Variants in AQP7 observed in about 807,000 individuals in gnomAD.
AQP7 encodes aquaporin 7.
A neutral mutation model predicts 26.1 loss-of-function variants in AQP7; 22 were observed. That is an observed-to-expected ratio of 0.84 (90% CI 0.60 to 1.20). The LOEUF (loss-of-function observed/expected upper bound fraction) is 1.20, where lower values mean the gene tolerates loss of function less well. Among genes scored for constraint, AQP7 ranks in the 50% most tolerant of loss-of-function variants. The pLI is 0.00. For synonymous variants in AQP7, 167 were observed against 181.7 expected (o/e 0.92, Z 0.65); for missense variants, 412 against 457.5 (o/e 0.90, Z 0.91).
At position 33,384,676 on chromosome 9, in the gene AQP7, A is replaced by C; in HGVS notation, c.*329T>G. 3 of 221,202 alleles carry C rather than the reference A, an allele frequency of 1.4e-5. No individual in the cohort carries two copies. The highest frequency in any genetic ancestry group is 1.8e-5 in the Non-Finnish European group (2 of 113,212). The allele number at this position is 221,202 out of a possible 1,614,324, so 13.7% of individuals were successfully genotyped here. A position where few individuals can be genotyped will look rare whatever the true frequency, so the allele number is the denominator to read the frequency against. ...AAAGTATTTCCAAAGCCGGCCCCCA[A>C]CCAGTCAGCTACGGTCTGTTCCCCA... On this transcript the variant is annotated 3_prime_UTR_variant, in exon 8 of 8. Coordinates refer to ENST00000297988, the MANE Select transcript of AQP7 (RefSeq NM_001170.3).
rs1356688259 is a variant in AQP7, at chr9:33,384,341, G to A, written c.*664C>T. 1 of 151,974 alleles carries A rather than the reference G, an allele frequency of 6.6e-6. No homozygotes were observed. Among genetic ancestry groups the A allele is most frequent in the Non-Finnish European group, 1.5e-5 (1 of 68,016 alleles). The allele number at this position is 151,974 out of a possible 1,614,324, so 9.4% of individuals were successfully genotyped here. A position where few individuals can be genotyped will look rare whatever the true frequency, so the allele number is the denominator to read the frequency against. On this transcript the variant is annotated 3_prime_UTR_variant, in exon 8 of 8. Transcript: ENST00000297988. ...CTTAACAGCCTTCAATCTATAACAA[G>A]CATTCTCAAGGGAATTAAAACTGAT...
intron 2 of AQP7, among the ~76,000 whole-genome samples, chr9:33,398,865 A>G (rs1313927785): frequency 1.3e-5 from 2 of 152,198 alleles, no homozygotes; most frequent in Non-Finnish European, 2.9e-5. Flanking sequence ...AAGCCAGCCT[A>G]CAAAGCAAGA....
At chr9:33,392,501 C>T (rs369649277) in intron 3 of AQP7, among the ~76,000 whole-genome samples, 28 of 152,010 alleles carry the variant, frequency 1.8e-4, no homozygotes, top group East Asian at 5.8e-4. Flanking sequence ...TCACAGAGCC[C>T]GGGATGCATT....
chr9:33,386,652 G>A lies in AQP7; in HGVS notation c.269-111C>T, dbSNP rs1187360169. 26 of 1,406,764 alleles carry A rather than the reference G, an allele frequency of 1.8e-5. No individual in the cohort carries two copies. The Middle Eastern group carries it at 9.8e-4, about 53-fold the overall frequency. 87.1% of individuals were successfully genotyped at this position (1,406,764 alleles called of 1,614,324 possible). A position where few individuals can be genotyped will look rare whatever the true frequency, so the allele number is the denominator to read the frequency against. On this transcript the variant is annotated intron_variant, in intron 4 of 7. Transcript: ENST00000297988. ...GTATGACAGCATGCTCCGTGACAGA[G>A]CTCTCTCCTTGAGCCCTCACAACCA...
At position 33,385,074 on chromosome 9, in the gene AQP7, G is replaced by C. The variant is rs1370354269; in HGVS notation, c.960C>G (p.Ser320Arg). The part of the protein sequence containing the change: ...TISPLTPVSV[S>R]PANRSSVHPA... Reference sequence around the variant, plus strand: ...GGTGGACTGAAGATCTGTTGGCAGGGCTCACAGAGACGGGGGTGAGGGGAG... The same window carrying C: ...GGTGGACTGAAGATCTGTTGGCAGGCCTCACAGAGACGGGGGTGAGGGGAG... Residue 320 changes from serine (S) to arginine (R), a missense_variant, in exon 8 of 8, where the codon AGC becomes AGG. Ser to Arg is a moderately radical substitution (Grantham distance 110). Transcript: ENST00000297988. 6.2e-7 allele frequency: 1 copy of C among 1,611,852 alleles called. No homozygotes were observed. Among genetic ancestry groups the C allele is most frequent in the African/African-American group, 1.3e-5 (1 of 74,844 alleles).
At chr9:33,385,567 C>A (rs1174059982) in intron 7 of AQP7, 82 bp downstream of exon 7, 5 of 1,520,776 alleles carry the variant, frequency 3.3e-6, no homozygotes, top group Non-Finnish European at 4.5e-6. Flanking sequence ...TCCTGTGCTG[C>A]CCCTCACATC....
At position 33,390,093 on chromosome 9, in the gene AQP7, C is replaced by G. The variant is rs117413200; in HGVS notation, c.145-3001G>C. Among the ~76,000 whole-genome samples, 814 of 150,688 alleles carry G rather than the reference C, an allele frequency of 5.4e-3. 17 individuals carry two copies. The highest frequency in any genetic ancestry group is 0.037 in the Admixed American group (560 of 15,138). ...AAAGACACCAGTGTAGACTCCTCTT[C>G]GAGAACTCGCCTGAGGAGCGGGGGA... On this transcript the variant is annotated intron_variant, in intron 3 of 7. Coordinates refer to ENST00000297988, the MANE Select transcript of AQP7 (RefSeq NM_001170.3).
intron 2 of AQP7, among the ~76,000 whole-genome samples, chr9:33,398,981 T>G (rs1438646812): frequency 1.3e-5 from 2 of 150,548 alleles, no homozygotes; most frequent in Non-Finnish European, 3.0e-5. Flanking sequence ...TCCTTTTTTT[T>G]TTTTTTTGAG....
chr9:33,398,239 C>A (rs1008398013), intron 2 of AQP7, among the ~76,000 whole-genome samples: 64 of 151,608 alleles, frequency 4.2e-4, no homozygotes, highest in African/African-American at 1.3e-3. Context: ...ATCCAATGTG[C>A]AGGAATGGGC....
Position 33,383,658 on chromosome 9 carries a change from A to G in AQP7, c.*1347T>C, listed in dbSNP as rs1374891339. Reference sequence around the variant, plus strand: ...CAGGCCCATCTCCACCATTTCCAGCATCCTACACACTGCGGCTCAGGTGTG... The same window carrying G: ...CAGGCCCATCTCCACCATTTCCAGCGTCCTACACACTGCGGCTCAGGTGTG... On this transcript the variant is annotated 3_prime_UTR_variant, in exon 8 of 8. Coordinates refer to ENST00000297988, the MANE Select transcript of AQP7 (RefSeq NM_001170.3). The G allele has an allele frequency of 1.3e-5, 2 of 152,528 alleles. No individual in the cohort carries two copies. The highest frequency in any genetic ancestry group is 2.9e-5 in the Non-Finnish European group (2 of 68,288). 9.4% of individuals were successfully genotyped at this position (152,528 alleles called of 1,614,324 possible).
intron 3 of AQP7, among the ~76,000 whole-genome samples, chr9:33,387,529 TGCACAAAC>T (rs1009910975): frequency 8.7e-4 from 132 of 151,544 alleles, no homozygotes; most frequent in East Asian, 1.8e-3. Context: ...AACCCCTCCC[TGCACAAAC>T]ACACACACAC....
chr9:33,402,322 T>C (rs1826353702), intron 1 of AQP7, 51 bp downstream of exon 1: 1 of 152,462 alleles, frequency 6.6e-6, no homozygotes, highest in African/African-American at 2.4e-5. Context: ...CTTCCAGATC[T>C]GGGCGCTGAG....
At chr9:33,390,470 T>TC (rs1825285264) in intron 3 of AQP7, among the ~76,000 whole-genome samples, 1 of 147,818 alleles carries the variant, frequency 6.8e-6, no homozygotes, top group Non-Finnish European at 1.5e-5. Flanking sequence ...CATTTGCTGA[T>TC]TTAAAAAAAA....
rs1425076356 is a variant in AQP7, at chr9:33,383,861, T to A, written c.*1144A>T. 6.6e-6 allele frequency: 1 copy of A among 151,904 alleles called. No homozygotes were observed. The highest frequency in any genetic ancestry group is 1.5e-5 in the Non-Finnish European group (1 of 68,034). 9.4% of individuals were successfully genotyped at this position (151,904 alleles called of 1,614,324 possible). On this transcript the variant is annotated 3_prime_UTR_variant, in exon 8 of 8. Coordinates refer to ENST00000297988, the MANE Select transcript of AQP7 (RefSeq NM_001170.3). Reference sequence around the variant, plus strand: ...CTGGCCTTGGCCCAGAGGCTGGATGTGAGCTCCCCTACCCCGAGCCCCACA... The same window carrying A: ...CTGGCCTTGGCCCAGAGGCTGGATGAGAGCTCCCCTACCCCGAGCCCCACA...
rs571740374 is a variant in AQP7, at chr9:33,385,961, G to A, written c.526-95C>T. The A allele has an allele frequency of 8.4e-5, 131 of 1,560,172 alleles. 3 individuals are homozygous for A. The South Asian group carries it at 1.3e-3, about 15-fold the overall frequency. On this transcript the variant is annotated intron_variant, in intron 6 of 7. Coordinates refer to ENST00000297988, the MANE Select transcript of AQP7 (RefSeq NM_001170.3). The stretch of plus-strand genomic sequence containing the variant: ...GACCCAAGCCCACCAGCAGAGACAC[G>A]TCTCGGTACAGTCTCCATCCAGAGT...
chr9:33,389,818 C>T (rs1825212172), intron 3 of AQP7, among the ~76,000 whole-genome samples: 1 of 152,000 alleles, frequency 6.6e-6, no homozygotes, highest in African/African-American at 2.4e-5. Context: ...GGATGGATCA[C>T]TTTAGGTCAG....
intron 3 of AQP7, among the ~76,000 whole-genome samples, chr9:33,387,382 T>C (rs1402906880): frequency 6.6e-6 from 1 of 151,988 alleles, no homozygotes; most frequent in Non-Finnish European, 1.5e-5. Flanking sequence ...CACCTGAAGT[T>C]TTGGGGTGAG....
At chr9:33,396,178 C>T (rs1825832984) in intron 2 of AQP7, among the ~76,000 whole-genome samples, 1 of 152,122 alleles carries the variant, frequency 6.6e-6, no homozygotes, top group Admixed American at 6.5e-5. Context: ...TGGCTCACGC[C>T]TATAATCCCA....
intron 3 of AQP7, among the ~76,000 whole-genome samples, chr9:33,389,330 C>T (rs1207974031): frequency 3.9e-5 from 6 of 152,068 alleles, no homozygotes; most frequent in African/African-American, 1.4e-4. Flanking sequence ...CGCCCTGTCC[C>T]AGCTAATTTT....
Sources: gnomAD v4.1 joint callset for allele counts (sites outside exome capture counted in the v4.1 genomes callset) on GRCh38, gnomAD v4.1.1 for gene constraint, MANE v1.5 for transcripts, NCBI Gene and HGNC (gene_info 2026-07-23, HGNC 2026-07-21) for gene names.